ARHGEF10L: variants seen among roughly 807,000 people sequenced by gnomAD.
ARHGEF10L encodes rho guanine nucleotide exchange factor 10-like protein.
ARHGEF10L carries 69 observed loss-of-function variants against 141.2 expected under a neutral mutation model. The observed-to-expected ratio is 0.49, with a 90% CI of 0.40 to 0.60. The LOEUF is 0.60. Ranked by LOEUF, ARHGEF10L falls within the 20% of genes least tolerant of loss-of-function variation. ARHGEF10L has a pLI of 0.00. For synonymous variants in ARHGEF10L, 711 were observed against 718.5 expected (o/e 0.99, Z 0.17); for missense variants, 1,482 against 1,734.3 (o/e 0.85, Z 2.58).
intron 2 of ARHGEF10L, among the ~76,000 whole-genome samples, chr1:17,586,562 G>T (rs2100627769): frequency 6.6e-6 from 1 of 152,302 alleles, no homozygotes; most frequent in South Asian, 2.1e-4. Context: ...TGGTGAAATG[G>T]CTGGAAATGG....
chr1:17,643,478 C>G (rs1328059907), intron 21 of ARHGEF10L, among the ~76,000 whole-genome samples: 3 of 152,168 alleles, frequency 2.0e-5, no homozygotes, highest in African/African-American at 7.2e-5. Flanking sequence ...CCCAGTTTTC[C>G]TATTTGTGAG....
At chr1:17,530,870 T>C in the ARHGEF10L span, among the ~76,000 whole-genome samples, 1 of 151,976 alleles carries the variant, frequency 6.6e-6, no homozygotes, top group Non-Finnish European at 1.5e-5. Flanking sequence ...CCGGGCGTGG[T>C]GGCAGGCTCC....
At chr1:17,566,620 C>T (rs1223385547) in intron 1 of ARHGEF10L, among the ~76,000 whole-genome samples, 1 of 152,172 alleles carries the variant, frequency 6.6e-6, no homozygotes, top group East Asian at 1.9e-4. Flanking sequence ...GTTCATGTGC[C>T]CTGTTCTGTG....
chr1:17,528,217 CTTTA>C, the ARHGEF10L span, among the ~76,000 whole-genome samples: 1 of 151,762 alleles, frequency 6.6e-6, no homozygotes, highest in Non-Finnish European at 1.5e-5. Context: ...TATTTTCTTT[CTTTA>C]TTTGTTTATT....
intron 1 of ARHGEF10L, among the ~76,000 whole-genome samples, chr1:17,551,657 G>A (rs533370833): frequency 6.6e-6 from 1 of 152,298 alleles, no homozygotes; most frequent in South Asian, 2.1e-4. Flanking sequence ...GAGCTTTCAA[G>A]GCTGTTAAAA....
intron 1 of ARHGEF10L, among the ~76,000 whole-genome samples, chr1:17,579,423 T>C (rs751625230): frequency 6.6e-6 from 1 of 152,232 alleles, no homozygotes; most frequent in Non-Finnish European, 1.5e-5. Context: ...CCCCATGGCC[T>C]GGGTTCGAAC....
rs772427970 is a variant in ARHGEF10L at position 17,648,558 on chromosome 1, G to A, written c.2277G>A (p.Glu759=). Residue 759 remains glutamate, a synonymous_variant, in exon 22 of 29, where the codon GAG becomes GAA. Transcript: ENST00000361221. ...ACCTCCTTCCTCTTGCTGTAGGGGA[G>A]GAGAACCAGCCAGGCTGGCTATGCC... ...RLHLAKIGLR[E]ENQPGWLCPD... 6.2e-7 allele frequency: 1 copy of A among 1,613,716 alleles called. No individual in the cohort carries two copies. The highest frequency in any genetic ancestry group is 8.5e-7 in the Non-Finnish European group (1 of 1,179,970).
chr1:17,687,684 ACT>A lies in ARHGEF10L; in HGVS notation c.3122_3123del (p.Thr1041ArgfsTer42). 6.2e-7 allele frequency: 1 copy of A among 1,611,394 alleles called. No individual in the cohort carries two copies. The highest frequency in any genetic ancestry group is 1.7e-4 in the Middle Eastern group (1 of 6,040). On this transcript the variant is annotated frameshift_variant, in exon 27 of 29. Transcript: ENST00000361221. LOFTEE classifies it high-confidence loss of function. ...SSGTSIRLFH[T>X]ETLEHLQEIN... ...CGGCACCTCCATCCGCCTCTTCCACACTGAGACCCTGGAGCATCTGCAAGAGA... is the reference window on the plus strand; with the variant it reads ...CGGCACCTCCATCCGCCTCTTCCACAGAGACCCTGGAGCATCTGCAAGAGA...
chr1:17,689,688 G>A (rs1286999040), intron 27 of ARHGEF10L: 5 of 427,260 alleles, frequency 1.2e-5, no homozygotes, highest in East Asian at 7.4e-5. Context: ...TTTTAACTAC[G>A]ATAAAAATGT....
intron 1 of ARHGEF10L, among the ~76,000 whole-genome samples, chr1:17,550,514 G>T (rs2100710042): frequency 6.6e-6 from 1 of 152,142 alleles, no homozygotes; most frequent in South Asian, 2.1e-4. Context: ...GTGGTGGCGG[G>T]CGCCTGTAAT....
intron 25 of ARHGEF10L, among the ~76,000 whole-genome samples, chr1:17,663,925 C>T (rs2102164985): frequency 6.6e-6 from 1 of 152,308 alleles, no homozygotes; most frequent in African/African-American, 2.4e-5. Context: ...CCTGGATTTC[C>T]CCTGGTGCAG....
At chr1:17,559,046 T>C (rs2077450306) in intron 1 of ARHGEF10L, among the ~76,000 whole-genome samples, 1 of 152,070 alleles carries the variant, frequency 6.6e-6, no homozygotes, top group African/African-American at 2.4e-5. Context: ...GGGAGCAGAA[T>C]GATGTGGGGA....
Position 17,656,125 on chromosome 1 carries a change from T to G in ARHGEF10L, c.2705+23T>G, listed in dbSNP as rs1571306056. The G allele has an allele frequency of 6.5e-7, 1 of 1,548,174 alleles. No homozygotes were observed. The highest frequency in any genetic ancestry group is 8.7e-7 in the Non-Finnish European group (1 of 1,146,574). On this transcript the variant is annotated intron_variant, in intron 24 of 28. Coordinates refer to ENST00000361221, the MANE Select transcript of ARHGEF10L (RefSeq NM_018125.4). The surrounding 1 kb of genome is among the most constrained non-coding windows in gnomAD (Gnocchi z 4.9). ...CAGGTGAGGGGCCCGGAAGGAGGGG[T>G]GAGAGCAGCCTCTGCAGGGCTGGGC... is the stretch of plus-strand genomic sequence containing the variant.
chr1:17,546,985 T>G (rs1001984401), intron 1 of ARHGEF10L, among the ~76,000 whole-genome samples: 35 of 152,134 alleles, frequency 2.3e-4, no homozygotes, highest in African/African-American at 7.7e-4. Flanking sequence ...CAACCAAGAG[T>G]TAGAAGCACC....
chr1:17,643,461 C>T (rs1049848763), intron 21 of ARHGEF10L, among the ~76,000 whole-genome samples: 1 of 152,210 alleles, frequency 6.6e-6, no homozygotes, highest in Non-Finnish European at 1.5e-5. Flanking sequence ...CAGACTCCAT[C>T]CTGAGACCCA....
In ARHGEF10L at chr1:17,664,595, G is replaced by T; in HGVS notation, c.3009G>T (p.Gln1003His). Residue 1003 changes from glutamine to histidine, a missense_variant and splice_region_variant, in exon 26 of 29, where the codon CAG becomes CAT. Transcript: ENST00000361221. The part of the protein sequence containing the change: ...TVLEATTLQP[Q>H]QSFEAHQDEA... ...TGGAAGCCACCACCCTGCAGCCTCA[G>T]GTACTGCACTATCCTTTGGCTTGTG... The T allele has an allele frequency of 6.3e-7, 1 of 1,580,118 alleles. No individual in the cohort carries two copies.
chr1:17,646,385 A>C (rs2061601471), intron 21 of ARHGEF10L, among the ~76,000 whole-genome samples: 1 of 152,200 alleles, frequency 6.6e-6, no homozygotes, highest in African/African-American at 2.4e-5. Context: ...ACATCTGACA[A>C]ACCTGGAAAA....
intron 1 of ARHGEF10L, among the ~76,000 whole-genome samples, chr1:17,562,594 AT>A (rs1297794383): frequency 6.6e-6 from 1 of 152,218 alleles, no homozygotes; most frequent in Non-Finnish European, 1.5e-5. Context: ...CAGTGCTGAG[AT>A]TTCAGGTGAA....
At chr1:17,536,096 G>A (rs1423947686), upstream of ARHGEF10L, among the ~76,000 whole-genome samples, 5 of 152,234 alleles carry the variant, frequency 3.3e-5, no homozygotes, top group Non-Finnish European at 7.3e-5. Flanking sequence ...TAACCATAGT[G>A]TCTGGGGGAT....
Sources: gnomAD v4.1 joint callset for allele counts (sites outside exome capture counted in the v4.1 genomes callset) on GRCh38, gnomAD v4.1.1 for gene constraint, Gnocchi (gnomAD v3.1) non-coding constraint, MANE v1.5 for transcripts, NCBI Gene and HGNC (gene_info 2026-07-23, HGNC 2026-07-21) for gene names.